LEMD3: variants seen among roughly 807,000 people sequenced by gnomAD.
The protein encoded by LEMD3 is inner nuclear membrane protein Man1.
A neutral mutation model predicts 95.2 loss-of-function variants in LEMD3; 33 were observed. That is an observed-to-expected ratio of 0.35 (90% CI 0.26 to 0.46). LEMD3 has a LOEUF of 0.46. LEMD3 is among the 20% of genes least tolerant of loss of function. The probability of loss-of-function intolerance (pLI) is 1.00; values close to 1 mark genes in which losing one functional copy is unlikely to be tolerated. For synonymous variants in LEMD3, 525 were observed against 474.6 expected (o/e 1.11, Z -1.38); for missense variants, 1,210 against 1,192.8 (o/e 1.01, Z -0.21).
At position 65,222,404 on chromosome 12, in the gene LEMD3, A is replaced by G. The variant is rs187120873; in HGVS notation, c.1695+3785A>G. The stretch of plus-strand genomic sequence containing the variant: ...TTTTAGTCTGTAATTTTCTTATAGT[A>G]TCATTGTCTTTGGTGTCAGAGTAAT... On this transcript the variant is annotated intron_variant, in intron 4 of 12. Coordinates refer to ENST00000308330, the MANE Select transcript of LEMD3 (RefSeq NM_014319.5). Among the ~76,000 whole-genome samples the G allele has an allele frequency of 4.5e-3, 682 of 152,198 alleles. 2 individuals carry two copies. Among genetic ancestry groups the G allele is most frequent in the Non-Finnish European group, 7.2e-3 (489 of 67,980 alleles).
intron 4 of LEMD3, among the ~76,000 whole-genome samples, chr12:65,225,526 G>C (rs547157224): frequency 2.0e-4 from 31 of 152,272 alleles, no homozygotes; most frequent in Non-Finnish European, 4.3e-4. Flanking sequence ...CCTGGTATCT[G>C]TAGGTTATCC....
intron 4 of LEMD3, 63 bp downstream of exon 4, chr12:65,218,682 TTG>T: frequency 1.1e-6 from 1 of 936,008 alleles, no homozygotes; most frequent in Non-Finnish European, 1.7e-6. Flanking sequence ...TCATTGCTAC[TTG>T]TAAGAATCAT....
At chr12:65,172,726 T>C (rs532734518) in intron 1 of LEMD3, among the ~76,000 whole-genome samples, 5 of 149,686 alleles carry the variant, frequency 3.3e-5, no homozygotes, top group Admixed American at 1.3e-4. Context: ...GGCCTTTTTC[T>C]TTTCTTTTTT....
chr12:65,230,951 G>T (rs1259114428), intron 4 of LEMD3, among the ~76,000 whole-genome samples: 1 of 152,100 alleles, frequency 6.6e-6, no homozygotes, highest in Non-Finnish European at 1.5e-5. Flanking sequence ...ATCATGAAGA[G>T]ATGTTACATT....
Position 65,170,936 on chromosome 12 carries a change from C to T in LEMD3, c.1340C>T (p.Ser447Phe), listed in dbSNP as rs762333334. ...AACACATACAACAAACCGAAGCTTT[C>T]CGAACCCGAAGAGGAACTTCTCCAG... ...LKNTYNKPKLSEPEEELLQQF... is the reference protein window; with the variant it reads ...LKNTYNKPKLFEPEEELLQQF... The change falls in exon 1 of 13, where the codon TCC (serine) becomes TTC (phenylalanine). Residue 447 changes from serine to phenylalanine, a missense_variant. Ser to Phe is a radical substitution (Grantham distance 155, BLOSUM62 -2). This residue lies in a region of LEMD3 where 749 missense variants were observed against 622.9 expected (regional missense o/e 1.20). Coordinates refer to ENST00000308330, the MANE Select transcript of LEMD3 (RefSeq NM_014319.5). 1.2e-6 allele frequency: 2 copies of T among 1,614,212 alleles called. No homozygotes were observed. The highest frequency in any genetic ancestry group is 1.7e-6 in the Non-Finnish European group (2 of 1,180,052).
chr12:65,191,285 A>G, intron 1 of LEMD3, among the ~76,000 whole-genome samples: 1 of 152,148 alleles, frequency 6.6e-6, no homozygotes, highest in East Asian at 1.9e-4. Context: ...TCTGGATGAC[A>G]GGACTTAAAA....
At chr12:65,186,604 A>G (rs1428367119) in intron 1 of LEMD3, among the ~76,000 whole-genome samples, 1 of 147,584 alleles carries the variant, frequency 6.8e-6, no homozygotes, top group African/African-American at 2.5e-5. Flanking sequence ...ATAGGAGTAT[A>G]CTATGCTGCA....
rs894863581 is a variant in LEMD3 at position 65,189,501 on chromosome 12, A to T, written c.1522+18383A>T. ...GAACTCCCTGAGTGGCCCATTCATCAGCAGGGATGAGTGTTGCCCAGTACC... is the reference window on the plus strand; with the variant it reads ...GAACTCCCTGAGTGGCCCATTCATCTGCAGGGATGAGTGTTGCCCAGTACC... On this transcript the variant is annotated intron_variant, in intron 1 of 12. Transcript: ENST00000308330. Among the ~76,000 whole-genome samples, 10 of 152,202 alleles carry T rather than the reference A, an allele frequency of 6.6e-5. No homozygotes were observed. The East Asian group carries it at 1.7e-3, about 26-fold the overall frequency.
Position 65,196,251 on chromosome 12 carries a change from G to T in LEMD3, c.1523-14675G>T, listed in dbSNP as rs1869425799. ...CATGTAATTAAAAAAAAAATCAACT[G>T]CTTAAGCTTTTCATTTGCCTTTTGT... On this transcript the variant is annotated intron_variant, in intron 1 of 12. Coordinates refer to ENST00000308330, the MANE Select transcript of LEMD3 (RefSeq NM_014319.5). Among the ~76,000 whole-genome samples, 6 of 152,040 alleles carry T rather than the reference G, an allele frequency of 3.9e-5. No homozygotes were observed. The South Asian group carries it at 8.3e-4, about 21-fold the overall frequency.
intron 1 of LEMD3, among the ~76,000 whole-genome samples, chr12:65,208,380 C>G (rs1203712341): frequency 6.6e-6 from 1 of 152,064 alleles, no homozygotes; most frequent in Non-Finnish European, 1.5e-5. Flanking sequence ...AGCTGTAATT[C>G]ACTCTCAGGT....
chr12:65,176,741 G>A (rs1011288267), intron 1 of LEMD3, among the ~76,000 whole-genome samples: 4 of 152,158 alleles, frequency 2.6e-5, no homozygotes, highest in African/African-American at 9.7e-5. Context: ...AATACTATCT[G>A]AGGATGACTT....
intron 4 of LEMD3, among the ~76,000 whole-genome samples, chr12:65,218,874 C>T (rs1323177088): frequency 2.7e-5 from 4 of 147,454 alleles, no homozygotes; most frequent in African/African-American, 7.6e-5. Context: ...CTGCAACGTT[C>T]GCAACCGGGG....
chr12:65,175,465 C>A (rs1216105705), intron 1 of LEMD3, among the ~76,000 whole-genome samples: 1 of 152,116 alleles, frequency 6.6e-6, no homozygotes, highest in Admixed American at 6.5e-5. Flanking sequence ...CTTTCTTTAC[C>A]AGCCATTCCT....
At chr12:65,186,284 A>G (rs1229971696) in intron 1 of LEMD3, among the ~76,000 whole-genome samples, 1 of 152,058 alleles carries the variant, frequency 6.6e-6, no homozygotes, top group Non-Finnish European at 1.5e-5. Context: ...TCTAAATGAT[A>G]TAACTTGCGG....
chr12:65,199,421 A>G (rs1869527052), intron 1 of LEMD3, among the ~76,000 whole-genome samples: 1 of 152,154 alleles, frequency 6.6e-6, no homozygotes, highest in African/African-American at 2.4e-5. Context: ...TAGGTTAAGC[A>G]TTTTAGAAAA....
chr12:65,200,890 A>AGAT (rs1832546563), intron 1 of LEMD3, among the ~76,000 whole-genome samples: 1 of 152,100 alleles, frequency 6.6e-6, no homozygotes, highest in African/African-American at 2.4e-5. Flanking sequence ...ACCCTGGGTC[A>AGAT]TCTAGATTCT....
chr12:65,172,258 A>C (rs1331323885), intron 1 of LEMD3, among the ~76,000 whole-genome samples: 1 of 152,220 alleles, frequency 6.6e-6, no homozygotes, highest in African/African-American at 2.4e-5. Context: ...ACTTCTGAAT[A>C]CATAATTTCT....
chr12:65,188,690 C>T (rs1202132578), intron 1 of LEMD3, among the ~76,000 whole-genome samples: 2 of 152,154 alleles, frequency 1.3e-5, no homozygotes, highest in African/African-American at 4.8e-5. Flanking sequence ...TTGACTAAAA[C>T]TTTGAGCATT....
intron 1 of LEMD3, among the ~76,000 whole-genome samples, chr12:65,208,186 T>A (rs965174320): frequency 1.3e-5 from 2 of 152,074 alleles, no homozygotes; most frequent in Non-Finnish European, 2.9e-5. Flanking sequence ...AGGCTTGAAA[T>A]AATCTGAACT....
Sources: allele counts gnomAD v4.1 joint callset (sites outside exome capture counted in the v4.1 genomes callset), GRCh38; gene constraint gnomAD v4.1.1; regional missense constraint gnomAD v4.1.1; transcripts MANE v1.5; gene names NCBI Gene and HGNC (gene_info 2026-07-23, HGNC 2026-07-21).